ZMYM2: variants seen among roughly 807,000 people sequenced by gnomAD.
ZMYM2 encodes zinc finger MYM-type containing 2, also known as zinc finger MYM-type protein 2.
ZMYM2 carries 56 observed loss-of-function variants against 162.8 expected under a neutral mutation model. The observed-to-expected ratio is 0.34, with a 90% CI of 0.28 to 0.43. ZMYM2 has a LOEUF of 0.43. Among genes scored for constraint, ZMYM2 ranks in the 20% least tolerant of loss-of-function variants. The pLI is 1.00. For synonymous variants in ZMYM2, 510 were observed against 541.6 expected (o/e 0.94, Z 0.81); for missense variants, 1,275 against 1,621.8 (o/e 0.79, Z 3.67).
At chr13:20,065,014 T>G (rs941280299) in intron 19 of ZMYM2, among the ~76,000 whole-genome samples, 3 of 152,276 alleles carry the variant, frequency 2.0e-5, no homozygotes, top group Non-Finnish European at 2.9e-5. Flanking sequence ...ACACAGTTTA[T>G]TATTTCTGGT....
At chr13:20,047,349 C>A (rs1029924388) in intron 12 of ZMYM2, among the ~76,000 whole-genome samples, 1 of 152,032 alleles carries the variant, frequency 6.6e-6, no homozygotes, top group African/African-American at 2.4e-5. Context: ...ATTATGGGGT[C>A]CCCCCCTTTT....
the ZMYM2 span, among the ~76,000 whole-genome samples, chr13:19,940,634 G>C: frequency 6.6e-6 from 1 of 152,178 alleles, no homozygotes; most frequent in Non-Finnish European, 1.5e-5. Flanking sequence ...TTCTGTAGGA[G>C]AGATCAAACT....
intron 21 of ZMYM2, among the ~76,000 whole-genome samples, chr13:20,074,237 T>TGTGTGTGTGTGA (rs1491090474): frequency 9.5e-4 from 121 of 127,568 alleles, no homozygotes; most frequent in African/African-American, 3.0e-3. Flanking sequence ...TGTGTGTGTG[T>TGTGTGTGTGTGA]GAGAGAGACA....
At chr13:19,976,111 A>G (rs940195036) in intron 2 of ZMYM2, among the ~76,000 whole-genome samples, 2 of 152,120 alleles carry the variant, frequency 1.3e-5, no homozygotes, top group African/African-American at 4.8e-5. Flanking sequence ...AAGCGGGCAG[A>G]TCACGAGGTC....
chr13:20,061,581 TTTTTG>T (rs1281865985), intron 17 of ZMYM2, among the ~76,000 whole-genome samples: 1 of 151,928 alleles, frequency 6.6e-6, no homozygotes, highest in East Asian at 1.9e-4. Flanking sequence ...TATCCCTAGT[TTTTTG>T]TTTTGTTTTG....
At chr13:20,031,576 A>T in intron 10 of ZMYM2, 141 bp downstream of exon 10, 1 of 594,640 alleles carries the variant, frequency 1.7e-6, no homozygotes, top group Non-Finnish European at 2.8e-6. Context: ...TGGATTATTT[A>T]TTCTCATGTG....
At chr13:19,936,603 T>A in the ZMYM2 span, among the ~76,000 whole-genome samples, 1 of 152,190 alleles carries the variant, frequency 6.6e-6, no homozygotes, top group East Asian at 1.9e-4. Context: ...GCACCTGTAA[T>A]CCCAGCTACT....
At chr13:20,046,552 T>C (rs1954797912) in intron 12 of ZMYM2, among the ~76,000 whole-genome samples, 1 of 22,480 alleles carries the variant, frequency 4.4e-5, no homozygotes, top group African/African-American at 8.6e-5. Context: ...AGACTTTGTC[T>C]CTAAAAAAAA....
chr13:19,928,571 T>G, the ZMYM2 span, among the ~76,000 whole-genome samples: 1 of 151,940 alleles, frequency 6.6e-6, no homozygotes, highest in South Asian at 2.1e-4. Flanking sequence ...TTGAGATGGG[T>G]GGATCACCTG....
chr13:20,010,049 T>C (rs1190933662), intron 6 of ZMYM2, among the ~76,000 whole-genome samples: 1 of 152,236 alleles, frequency 6.6e-6, no homozygotes, highest in Non-Finnish European at 1.5e-5. Context: ...CTGTTTTCTC[T>C]ATATCTTTGC....
chr13:19,997,616 C>G (rs1950112377), intron 3 of ZMYM2, among the ~76,000 whole-genome samples: 1 of 152,082 alleles, frequency 6.6e-6, no homozygotes, highest in Admixed American at 6.6e-5. Flanking sequence ...TTTATACTGT[C>G]ATGAACTGTA....
intron 2 of ZMYM2, chr13:19,965,141 A>G (rs751103507): frequency 1.1e-4 from 81 of 763,402 alleles, no homozygotes; most frequent in Non-Finnish European, 1.3e-4. Context: ...ATTGGGATGC[A>G]CAGTTAGAAG....
In ZMYM2 at chr13:20,061,112, A is replaced by C; in HGVS notation, c.2799A>C (p.Ala933=). The change falls in exon 17 of 25, where the codon GCA becomes GCC. Residue 933 remains alanine, a synonymous_variant. Transcript: ENST00000610343. The stretch of plus-strand genomic sequence containing the variant: ...ACAGCAGTGAGAAGATTCCTGCAGC[A>C]ATTGAGGAGCTAAAAAGCAAGGTTT... ...PLDSSEKIPA[A]IEELKSKVSS... is the part of the protein sequence containing the mutation. 1 of 1,612,910 alleles carries C rather than the reference A, an allele frequency of 6.2e-7. No homozygotes were observed. Among genetic ancestry groups the C allele is most frequent in the Non-Finnish European group, 8.5e-7 (1 of 1,179,454 alleles).
At chr13:19,884,824 T>C in the ZMYM2 span, among the ~76,000 whole-genome samples, 69 of 152,036 alleles carry the variant, frequency 4.5e-4, no homozygotes, top group African/African-American at 1.4e-3. Context: ...CAACAAACAT[T>C]CCAGCAGTAA....
chr13:20,000,202 C>T (rs758274315), intron 3 of ZMYM2, among the ~76,000 whole-genome samples: 13 of 152,092 alleles, frequency 8.5e-5, no homozygotes, highest in Non-Finnish European at 1.6e-4. Flanking sequence ...CAGAGTTAGG[C>T]GCTAACTCTT....
At position 20,066,966 on chromosome 13, in the gene ZMYM2, T is replaced by G; in HGVS notation, c.3248T>G (p.Val1083Gly). The change falls in exon 20 of 25, where the codon GTC becomes GGC. Residue 1083 changes from valine (V) to glycine (G), a missense_variant. Physicochemically the swap from Val to Gly is moderately radical, Grantham distance 109. Coordinates refer to ENST00000610343, the MANE Select transcript of ZMYM2 (RefSeq NM_197968.4). Reference sequence around the variant, plus strand: ...GGCGTAAATGCATGGAAACACTGGGTCAAAACTAGGCAACTTGATGAAGAT... The same window carrying G: ...GGCGTAAATGCATGGAAACACTGGGGCAAAACTAGGCAACTTGATGAAGAT... ...TYGVNAWKHW[V>G]KTRQLDEDLL... The G allele has an allele frequency of 6.2e-7, 1 of 1,612,696 alleles. No homozygotes were observed. The highest frequency in any genetic ancestry group is 8.5e-7 in the Non-Finnish European group (1 of 1,179,380).
At chr13:20,043,501 CTGGTGG>C (rs35874928) in intron 12 of ZMYM2, among the ~76,000 whole-genome samples, 1 of 151,934 alleles carries the variant, frequency 6.6e-6, no homozygotes, top group Non-Finnish European at 1.5e-5. Context: ...TGTGGTTGCA[CTGGTGG>C]TGGTGGTGGT....
intron 1 of ZMYM2, 44 bp from the exon 2 acceptor site, chr13:19,959,914 G>C (rs370761858): frequency 2.0e-4 from 30 of 152,408 alleles, no homozygotes; most frequent in Admixed American, 5.2e-4. Context: ...CTCCCACCAG[G>C]TTGTGTGTTT....
rs1270115549 is a variant in ZMYM2, at chr13:20,046,581, A to ATATATATG, written c.2293-4851_2293-4850insATATATGT. Among the ~76,000 whole-genome samples the ATATATATG allele has an allele frequency of 6.0e-4, 70 of 117,506 alleles. 1 individual carries two copies. Among genetic ancestry groups the ATATATATG allele is most frequent in the African/African-American group, 1.9e-3 (60 of 31,468 alleles). The allele number at this position is 117,506 out of a possible 152,430, so 77.1% of individuals were successfully genotyped here. Reference sequence around the variant, plus strand: ...AAAAAAAAAATATATATATATATATATGTGTGTGTGTGTGTGTGTGTGTGT... The same window carrying ATATATATG: ...AAAAAAAAAATATATATATATATATATATATATGTGTGTGTGTGTGTGTGTGTGTGTGT... On this transcript the variant is annotated intron_variant, in intron 12 of 24. Coordinates refer to ENST00000610343, the MANE Select transcript of ZMYM2 (RefSeq NM_197968.4).
Sources: allele counts gnomAD v4.1 joint callset (sites outside exome capture counted in the v4.1 genomes callset), GRCh38; gene constraint gnomAD v4.1.1; transcripts MANE v1.5; gene names NCBI Gene and HGNC (gene_info 2026-07-23, HGNC 2026-07-21).